The following IFIH1 variants were observed in gnomAD, a reference collection of about 807,000 sequenced individuals.
IFIH1 encodes interferon induced with helicase C domain 1, also known as interferon-induced helicase C domain-containing protein 1.
IFIH1 carries 125 observed loss-of-function variants against 107.4 expected under a neutral mutation model. The ratio of observed to expected loss-of-function variants is 1.16; its 90% CI spans 1.01 to 1.35. The LOEUF is 1.35. Among genes scored for constraint, IFIH1 ranks in the 40% most tolerant of loss-of-function variants. IFIH1 has a pLI of 0.00. For missense variants in IFIH1, 1,333 were observed against 1,213.7 expected (o/e 1.10, Z -1.46); for synonymous variants, 458 against 413.2 (o/e 1.11, Z -1.31).
intron 3 of IFIH1, among the ~76,000 whole-genome samples, chr2:162,305,798 A>G (rs1162949439): frequency 1.3e-5 from 2 of 152,170 alleles, no homozygotes; most frequent in African/African-American, 2.4e-5. Context: ...TCATCACCTA[A>G]TCATTTAACT....
rs1305180688 is a variant in IFIH1, at chr2:162,306,753, T to G, written c.725A>C (p.Asn242Thr). The change falls in exon 3 of 16, where the codon AAT (asparagine) becomes ACT (threonine). Residue 242 changes from asparagine to threonine, a missense_variant. By Grantham distance (65) the Asn-to-Thr change is moderately conservative. Transcript: ENST00000649979. Reference protein sequence around the residue: ...NLEKEVWGMENNSSESSFADS... With the variant: ...NLEKEVWGMETNSSESSFADS... ...TGCAAAAGATGATTCTGATGAGTTATTCTCCATGCCCCAGACCTCCTTCTC... is the reference window on the plus strand; with the variant it reads ...TGCAAAAGATGATTCTGATGAGTTAGTCTCCATGCCCCAGACCTCCTTCTC... 1 of 1,613,976 alleles carries G rather than the reference T, an allele frequency of 6.2e-7. No individual in the cohort carries two copies. The highest frequency in any genetic ancestry group is 8.5e-7 in the Non-Finnish European group (1 of 1,179,896).
intron 11 of IFIH1, among the ~76,000 whole-genome samples, chr2:162,276,056 T>A (rs1176484217): frequency 6.6e-6 from 1 of 152,202 alleles, no homozygotes; most frequent in Non-Finnish European, 1.5e-5. Context: ...GGCAATCATT[T>A]CTGAACTTTG....
rs587777448 is a variant in IFIH1 at position 162,273,914 on chromosome 2, G to A, written c.2335C>T (p.Arg779Cys). The A allele has an allele frequency of 6.2e-7, 1 of 1,607,328 alleles. No homozygotes were observed. Among genetic ancestry groups the A allele is most frequent in the Non-Finnish European group, 8.5e-7 (1 of 1,174,866 alleles). ...NEQKEVISKF[R>C]TGKINLLIAT... is the part of the protein sequence containing the mutation. ...ATAAGCAGATTTATTTTTCCAGTGC[G>A]AAATTTACTAATGACTTCTTTTTGT... Residue 779 changes from arginine (R) to cysteine (C), a missense_variant, in exon 12 of 16, where the codon CGC becomes TGC. Arg to Cys is a radical substitution (Grantham distance 180). Coordinates refer to ENST00000649979, the MANE Select transcript of IFIH1 (RefSeq NM_022168.4).
chr2:162,306,672 T>C (rs370400424), intron 3 of IFIH1, 37 bp downstream of exon 3: 17 of 1,585,674 alleles, frequency 1.1e-5, no homozygotes, highest in Non-Finnish European at 1.5e-5. Context: ...CTGGAAGTAG[T>C]AATTACTGTA....
chr2:162,302,472 A>G (rs1022532031), intron 3 of IFIH1, among the ~76,000 whole-genome samples: 10 of 152,332 alleles, frequency 6.6e-5, no homozygotes, highest in Non-Finnish European at 1.3e-4. Flanking sequence ...AATATAATGG[A>G]ATTCAAAATA....
intron 13 of IFIH1, among the ~76,000 whole-genome samples, chr2:162,271,705 ATATAT>A (rs1691043325): frequency 6.6e-6 from 1 of 152,164 alleles, no homozygotes; most frequent in Non-Finnish European, 1.5e-5. Flanking sequence ...ACTTATCTTG[ATATAT>A]TATATTTCTT....
intron 3 of IFIH1, among the ~76,000 whole-genome samples, chr2:162,296,881 G>A (rs1055702323): frequency 1.3e-5 from 2 of 152,022 alleles, no homozygotes; most frequent in African/African-American, 2.4e-5. Flanking sequence ...CAGTAATCCT[G>A]TAGAGATTAT....
chr2:162,290,365 C>T (rs908313427), intron 4 of IFIH1, among the ~76,000 whole-genome samples: 8 of 151,734 alleles, frequency 5.3e-5, no homozygotes, highest in South Asian at 2.1e-4. Flanking sequence ...GTCTCTTTCC[C>T]GAGAATCCAG....
chr2:162,285,148 C>T (rs147574169), intron 5 of IFIH1, among the ~76,000 whole-genome samples: 1 of 152,072 alleles, frequency 6.6e-6, no homozygotes, highest in African/African-American at 2.4e-5. Flanking sequence ...CAAGACTAAT[C>T]AAACCCAACT....
rs17764770 is a variant in IFIH1, at chr2:162,267,800, T to C, written c.2808-231A>G. ...TCATAACTTCTTTCAAGTCTGTTGG[T>C]TATATTAACTTGACTTTAGTTGTTC... On this transcript the variant is annotated intron_variant, in intron 14 of 15. Coordinates refer to ENST00000649979, the MANE Select transcript of IFIH1 (RefSeq NM_022168.4). 0.025 allele frequency among the ~76,000 whole-genome samples: 3,807 copies of C among 152,318 alleles called. 58 individuals are homozygous for C. The highest frequency in any genetic ancestry group is 0.039 in the Non-Finnish European group (2,637 of 68,030).
chr2:162,294,703 A>G (rs1683053882), intron 3 of IFIH1, among the ~76,000 whole-genome samples: 2 of 151,944 alleles, frequency 1.3e-5, no homozygotes, highest in East Asian at 1.9e-4. Flanking sequence ...AAGAAATGAT[A>G]TATTCTTAGG....
At chr2:162,268,563 C>A (rs574908924) in intron 13 of IFIH1, among the ~76,000 whole-genome samples, 1 of 152,278 alleles carries the variant, frequency 6.6e-6, no homozygotes, top group South Asian at 2.1e-4. Context: ...CAAAAATTCT[C>A]TGTCTAGCCT....
chr2:162,278,701 A>C (rs1459558134), intron 8 of IFIH1, among the ~76,000 whole-genome samples: 1 of 152,204 alleles, frequency 6.6e-6, no homozygotes, highest in Non-Finnish European at 1.5e-5. Context: ...CCTCCTTTGT[A>C]AAACTGGTTT....
intron 6 of IFIH1, 79 bp downstream of exon 6, chr2:162,282,287 T>A: frequency 1.1e-6 from 1 of 902,124 alleles, no homozygotes; most frequent in South Asian, 1.9e-5. Context: ...CACGAACATT[T>A]AAAAAATTAA....
intron 5 of IFIH1, among the ~76,000 whole-genome samples, chr2:162,285,031 C>T (rs746929222): frequency 2.6e-4 from 39 of 152,090 alleles, no homozygotes; most frequent in Non-Finnish European, 5.3e-4. Flanking sequence ...GTGGTGTTGA[C>T]TTCCTACTGA....
At chr2:162,282,042 C>G (rs901569815) in intron 6 of IFIH1, among the ~76,000 whole-genome samples, 7 of 151,606 alleles carry the variant, frequency 4.6e-5, no homozygotes, top group Non-Finnish European at 1.0e-4. Context: ...ATCCTATACC[C>G]CATAAAAGAC....
At chr2:162,299,461 G>A (rs151258276) in intron 3 of IFIH1, among the ~76,000 whole-genome samples, 1 of 152,056 alleles carries the variant, frequency 6.6e-6, no homozygotes, top group Non-Finnish European at 1.5e-5. Flanking sequence ...GCCCTTTGGT[G>A]GGGGGAGACA....
intron 5 of IFIH1, among the ~76,000 whole-genome samples, chr2:162,284,332 C>T (rs867673924): frequency 1.3e-5 from 2 of 151,910 alleles, no homozygotes; most frequent in African/African-American, 4.8e-5. Flanking sequence ...CTGAAAACAG[C>T]TACTCCAGCC....
intron 3 of IFIH1, among the ~76,000 whole-genome samples, chr2:162,297,091 G>A (rs1683095083): frequency 6.6e-6 from 1 of 151,928 alleles, no homozygotes; most frequent in African/African-American, 2.4e-5. Flanking sequence ...TTATAATAGG[G>A]AGAATGCCTT....
Sources: gnomAD v4.1 joint callset for allele counts (sites outside exome capture counted in the v4.1 genomes callset) on GRCh38, gnomAD v4.1.1 for gene constraint, MANE v1.5 for transcripts, NCBI Gene and HGNC (gene_info 2026-07-23, HGNC 2026-07-21) for gene names.